Variants in TANGO6 observed in about 807,000 individuals in gnomAD.
TANGO6 encodes transport and Golgi organization protein 6 homolog.
TANGO6 carries 90 observed loss-of-function variants against 114.2 expected under a neutral mutation model. That is an observed-to-expected ratio of 0.79 (90% CI 0.66 to 0.94). The LOEUF (loss-of-function observed/expected upper bound fraction) is 0.94. Ranked by LOEUF, TANGO6 falls within the 40% of genes least tolerant of loss-of-function variation. The pLI is 0.00. For synonymous variants in TANGO6, 477 were observed against 509.8 expected (o/e 0.94, Z 0.87); for missense variants, 1,274 against 1,315.3 (o/e 0.97, Z 0.49).
At chr16:69,079,248 T>G (rs1960430418) in intron 17 of TANGO6, among the ~76,000 whole-genome samples, 1 of 151,912 alleles carries the variant, frequency 6.6e-6, no homozygotes, top group African/African-American at 2.4e-5. Flanking sequence ...GAGAATCGCT[T>G]GAACCCGGGA....
chr16:68,974,493 C>T (rs1344081636), intron 15 of TANGO6, among the ~76,000 whole-genome samples: 2 of 152,022 alleles, frequency 1.3e-5, no homozygotes, highest in Non-Finnish European at 1.5e-5. Flanking sequence ...GAAACCCTGT[C>T]TCTACTAAAA....
intron 15 of TANGO6, among the ~76,000 whole-genome samples, chr16:69,021,175 G>A (rs1009141947): frequency 6.6e-6 from 1 of 152,082 alleles, no homozygotes; most frequent in African/African-American, 2.4e-5. Flanking sequence ...GCAGTGTCCT[G>A]CAAGGCCCTT....
intron 13 of TANGO6, among the ~76,000 whole-genome samples, chr16:68,929,924 C>T (rs1043857917): frequency 2.0e-5 from 3 of 152,190 alleles, no homozygotes; most frequent in African/African-American, 7.2e-5. Flanking sequence ...ACCCCGTAGT[C>T]TGTCATGCCA....
intron 12 of TANGO6, among the ~76,000 whole-genome samples, chr16:68,919,712 C>T (rs1195728350): frequency 2.0e-5 from 3 of 152,174 alleles, no homozygotes; most frequent in Non-Finnish European, 2.9e-5. Flanking sequence ...CTTTTACATA[C>T]CTAATTTATA....
intron 17 of TANGO6, among the ~76,000 whole-genome samples, chr16:69,070,045 A>T (rs1157793895): frequency 7.8e-5 from 9 of 115,800 alleles, no homozygotes; most frequent in African/African-American, 1.2e-4. Flanking sequence ...TGTCTGTACT[A>T]AAAAAAAAAA....
intron 17 of TANGO6, among the ~76,000 whole-genome samples, chr16:69,058,224 T>C (rs1476546446): frequency 6.6e-6 from 1 of 152,102 alleles, no homozygotes; most frequent in Non-Finnish European, 1.5e-5. Flanking sequence ...TGCTCTGGGG[T>C]TTGTTCCAGC....
intron 14 of TANGO6, among the ~76,000 whole-genome samples, chr16:68,962,585 A>C (rs948237679): frequency 1.3e-5 from 2 of 152,126 alleles, no homozygotes; most frequent in Non-Finnish European, 2.9e-5. Flanking sequence ...AACATGAAGA[A>C]ACCTTTTCTT....
chr16:69,019,754 T>C (rs914876411), intron 15 of TANGO6, among the ~76,000 whole-genome samples: 2 of 152,134 alleles, frequency 1.3e-5, no homozygotes, highest in Non-Finnish European at 2.9e-5. Flanking sequence ...CCCAGGCTGG[T>C]CTCAAACTCC....
intron 1 of TANGO6, among the ~76,000 whole-genome samples, chr16:68,849,971 C>CTTTTTT (rs560571416): frequency 1.3e-4 from 15 of 114,840 alleles, no homozygotes; most frequent in Middle Eastern, 4.6e-3. Context: ...TCTAGCGGTT[C>CTTTTTT]TTTTTTTTTT....
In TANGO6 at chr16:69,049,423, A is replaced by T. The variant is rs566303655; in HGVS notation, c.3108+9002A>T. 2.1e-4 allele frequency among the ~76,000 whole-genome samples: 32 copies of T among 150,458 alleles called. No homozygotes were observed. In the East Asian group the frequency reaches 5.3e-3, roughly 25 times the overall value. ...TCATCCATGTTTTCTTTCTTTAAAA[A>T]TTTTTTTTCTTTCTTTTTTTTTTTG... On this transcript the variant is annotated intron_variant, in intron 17 of 17. Transcript: ENST00000261778.
Position 69,040,392 on chromosome 16 carries a change from C to CT in TANGO6, c.3081dup (p.Arg1028SerfsTer9). The CT allele has an allele frequency of 6.2e-7, 1 of 1,606,464 alleles. No homozygotes were observed. Among genetic ancestry groups the CT allele is most frequent in the South Asian group, 1.1e-5 (1 of 89,100 alleles). Reference sequence around the variant, plus strand: ...TGCCATACATGTGGTTGTGCTGCTGCTTCGGGGACTCAGCCAGAAAGCTAC... The same window carrying CT: ...TGCCATACATGTGGTTGTGCTGCTGCTTTCGGGGACTCAGCCAGAAAGCTAC... On this transcript the variant is annotated frameshift_variant, in exon 17 of 18. Transcript: ENST00000261778. LOFTEE classifies it high-confidence loss of function.
intron 14 of TANGO6, among the ~76,000 whole-genome samples, chr16:68,954,760 T>G (rs1324345789): frequency 1.3e-5 from 2 of 152,178 alleles, no homozygotes; most frequent in African/African-American, 4.8e-5. Context: ...ACATCCTAAT[T>G]GCAGATTAAA....
intron 14 of TANGO6, among the ~76,000 whole-genome samples, chr16:68,954,563 C>T (rs369311012): frequency 4.6e-5 from 7 of 152,192 alleles, no homozygotes; most frequent in African/African-American, 1.4e-4. Flanking sequence ...ACGTGCCTAG[C>T]GAGAAAGTTT....
intron 16 of TANGO6, among the ~76,000 whole-genome samples, chr16:69,027,445 A>G (rs1290775182): frequency 1.3e-5 from 2 of 151,058 alleles, no homozygotes; most frequent in African/African-American, 4.9e-5. Flanking sequence ...TTTTTTTTTT[A>G]GTAACTTAGA....
chr16:68,850,717 A>G (rs557676862), intron 1 of TANGO6, among the ~76,000 whole-genome samples: 2 of 152,292 alleles, frequency 1.3e-5, no homozygotes, highest in South Asian at 4.2e-4. Context: ...CTGTATCTCA[A>G]AAGCAGCCAT....
chr16:68,905,235 A>T (rs1217319244), intron 9 of TANGO6, among the ~76,000 whole-genome samples: 3 of 149,684 alleles, frequency 2.0e-5, no homozygotes, highest in African/African-American at 7.4e-5. Context: ...TGTCTCAAAA[A>T]AAAATAAAAT....
intron 16 of TANGO6, chr16:69,026,643 GGC>G (rs1408851134): frequency 3.3e-5 from 5 of 153,508 alleles, no homozygotes; most frequent in African/African-American, 1.2e-4. Context: ...TGGGGGAAAT[GGC>G]AGATGTCTTA....
chr16:68,928,169 C>T, intron 13 of TANGO6, 86 bp downstream of exon 13: 1 of 1,427,404 alleles, frequency 7.0e-7, no homozygotes, highest in Non-Finnish European at 9.2e-7. Flanking sequence ...GACTATGTGT[C>T]AAGTGCTGTT....
rs913388598 is a variant in TANGO6, at chr16:68,900,599, A to G, written c.1490+53A>G. On this transcript the variant is annotated intron_variant, in intron 8 of 17. Coordinates refer to ENST00000261778, the MANE Select transcript of TANGO6 (RefSeq NM_024562.2). ...TTATAAATTGTGACGTCTTTTTTGC[A>G]TGTTGTTTTTGTTCTTATTTTGAAT... 5.0e-6 allele frequency: 7 copies of G among 1,386,786 alleles called. No individual in the cohort carries two copies. The African/African-American group carries it at 8.7e-5, about 17-fold the overall frequency. The allele number at this position is 1,386,786 out of a possible 1,614,324, so 85.9% of individuals were successfully genotyped here. A position where few individuals can be genotyped will look rare whatever the true frequency, so the allele number is the denominator to read the frequency against.
Sources: gnomAD v4.1 joint callset for allele counts (sites outside exome capture counted in the v4.1 genomes callset) on GRCh38, gnomAD v4.1.1 for gene constraint, MANE v1.5 for transcripts, NCBI Gene and HGNC (gene_info 2026-07-23, HGNC 2026-07-21) for gene names.